FRMD4B: variants seen among roughly 807,000 people sequenced by gnomAD.
FRMD4B encodes FERM domain containing 4B.
Under a neutral mutation model 141.5 loss-of-function variants are expected in FRMD4B, and 74 were observed. That is an observed-to-expected ratio of 0.52 (90% CI 0.43 to 0.63). FRMD4B has a LOEUF of 0.63. Ranked by LOEUF, FRMD4B falls within the 30% of genes least tolerant of loss-of-function variation. The pLI is 0.00. For missense variants in FRMD4B, 1,366 were observed against 1,253.4 expected, an observed-to-expected ratio of 1.09 and a Z score of -1.36; for synonymous variants, 506 against 467.9, an observed-to-expected ratio of 1.08 and a Z score of -1.05.
intron 1 of FRMD4B, among the ~76,000 whole-genome samples, chr3:69,486,719 G>C (rs1276153303): frequency 2.0e-5 from 3 of 152,184 alleles, no homozygotes; most frequent in Non-Finnish European, 2.9e-5. Context: ...AAGCAAGAAG[G>C]CTCAAGGCAT....
At chr3:69,444,071 C>T (rs1428895631) in intron 1 of FRMD4B, among the ~76,000 whole-genome samples, 5 of 152,266 alleles carry the variant, frequency 3.3e-5, no homozygotes, top group South Asian at 2.1e-4. Context: ...TGACAGCACA[C>T]GAGGACCATT....
chr3:69,415,884 G>A (rs1266768104), intron 2 of FRMD4B, among the ~76,000 whole-genome samples: 3 of 152,058 alleles, frequency 2.0e-5, no homozygotes, highest in African/African-American at 4.8e-5. Flanking sequence ...CAGTGTATTC[G>A]GTTAACACAT....
chr3:69,533,234 G>T (rs1423686260), intron 1 of FRMD4B, among the ~76,000 whole-genome samples: 1 of 152,226 alleles, frequency 6.6e-6, no homozygotes, highest in Non-Finnish European at 1.5e-5. Flanking sequence ...AATCTTCTGT[G>T]AGGCAGGCTC....
At chr3:69,530,833 A>T (rs370859460) in intron 1 of FRMD4B, among the ~76,000 whole-genome samples, 11 of 152,364 alleles carry the variant, frequency 7.2e-5, no homozygotes, top group African/African-American at 2.6e-4. Context: ...CTGGGAACCC[A>T]GAAATCAGCA....
chr3:69,357,421 G>A (rs920007774), intron 1 of FRMD4B, among the ~76,000 whole-genome samples: 1 of 152,192 alleles, frequency 6.6e-6, no homozygotes, highest in Non-Finnish European at 1.5e-5. Flanking sequence ...TCCTGGAATA[G>A]GTCCAAATGA....
At chr3:69,386,919 G>T (rs1704271702), upstream of FRMD4B, among the ~76,000 whole-genome samples, 1 of 152,202 alleles carries the variant, frequency 6.6e-6, no homozygotes, top group Non-Finnish European at 1.5e-5. Flanking sequence ...GGAAAATTCA[G>T]CCTCTGGACA....
chr3:69,383,014 T>C (rs1291529697), intron 1 of FRMD4B, among the ~76,000 whole-genome samples: 1 of 152,216 alleles, frequency 6.6e-6, no homozygotes, highest in African/African-American at 2.4e-5. Context: ...AAAAAAATCC[T>C]AACTCATGGA....
intron 1 of FRMD4B, among the ~76,000 whole-genome samples, chr3:69,344,738 T>C (rs1702871774): frequency 6.6e-6 from 1 of 152,106 alleles, no homozygotes; most frequent in Admixed American, 6.5e-5. Flanking sequence ...AAAACCTGAA[T>C]CTAGAAACAT....
chr3:69,198,627 T>C (rs927249312), intron 12 of FRMD4B, 71 bp downstream of exon 12: 4 of 764,388 alleles, frequency 5.2e-6, no homozygotes, highest in African/African-American at 1.7e-5. Context: ...TAAAAACTTG[T>C]ACACAAATGT....
Position 69,212,816 on chromosome 3 carries a change from C to T in FRMD4B, c.876+3447G>A, listed in dbSNP as rs114159597. On this transcript the variant is annotated intron_variant, in intron 11 of 22. Coordinates refer to ENST00000398540, the MANE Select transcript of FRMD4B (RefSeq NM_015123.3). ...ATTTTACATGGAAGATTCAGAAAAA[C>T]CAGTAAGACTCCTGAGTGTTATTTC... 5.2e-3 allele frequency among the ~76,000 whole-genome samples: 795 copies of T among 152,170 alleles called. 9 individuals are homozygous for T. Among genetic ancestry groups the T allele is most frequent in the African/African-American group, 0.018 (766 of 41,500 alleles).
At chr3:69,479,740 C>T (rs1706084433) in intron 1 of FRMD4B, among the ~76,000 whole-genome samples, 1 of 152,096 alleles carries the variant, frequency 6.6e-6, no homozygotes, top group Non-Finnish European at 1.5e-5. Context: ...TTTCCTGAAT[C>T]TGAATGTTGG....
At chr3:69,318,988 C>A (rs1020521467) in intron 1 of FRMD4B, among the ~76,000 whole-genome samples, 1 of 152,126 alleles carries the variant, frequency 6.6e-6, no homozygotes, top group Admixed American at 6.5e-5. Context: ...AGTGAGCAAA[C>A]CCTGATTGAA....
At chr3:69,263,196 G>T (rs1161303971) in intron 5 of FRMD4B, among the ~76,000 whole-genome samples, 1 of 152,100 alleles carries the variant, frequency 6.6e-6, no homozygotes, top group African/African-American at 2.4e-5. Context: ...GGTGGAGGTT[G>T]CAGTGAGCCG....
Position 69,439,444 on chromosome 3 carries a change from G to A in FRMD4B, c.-128-6683C>T, listed in dbSNP as rs187314733. Among the ~76,000 whole-genome samples the A allele has an allele frequency of 3.3e-5, 5 of 152,318 alleles. No individual in the cohort carries two copies. In the East Asian group the frequency reaches 9.6e-4, roughly 29 times the overall value. On this transcript the variant is annotated intron_variant, in intron 1 of 5. Coordinates refer to the FRMD4B transcript ENST00000459638. ...TTTCTCCTGGTAAATCTCACCTGGG[G>A]TGGTCCAATCCTCCAAGGTATTATT...
At chr3:69,422,668 A>G (rs1451878699) in intron 2 of FRMD4B, among the ~76,000 whole-genome samples, 2 of 152,234 alleles carry the variant, frequency 1.3e-5, no homozygotes, top group African/African-American at 4.8e-5. Flanking sequence ...AGCTATCAAC[A>G]ATATGTAAGC....
At chr3:69,402,672 A>G (rs1022728106) in intron 2 of FRMD4B, among the ~76,000 whole-genome samples, 1 of 152,180 alleles carries the variant, frequency 6.6e-6, no homozygotes, top group African/African-American at 2.4e-5. Context: ...GTACAAAATG[A>G]ATTTCCCATT....
At chr3:69,412,840 CTTTTTTTTTTTTT>C (rs869150440) in intron 2 of FRMD4B, among the ~76,000 whole-genome samples, 13 of 54,272 alleles carry the variant, frequency 2.4e-4, no homozygotes, top group South Asian at 1.0e-3. Context: ...AGAAGCTCCA[CTTTTTTTTTTTTT>C]TTTTTTTTTT....
rs1183774603 is a variant in FRMD4B, at chr3:69,245,834, G to GTTT, written c.581+3389_581+3391dup. Among the ~76,000 whole-genome samples the GTTT allele has an allele frequency of 3.0e-3, 233 of 78,316 alleles. 12 individuals carry two copies. The highest frequency in any genetic ancestry group is 5.2e-3 in the African/African-American group (94 of 17,980). 51.4% of individuals were successfully genotyped at this position (78,316 alleles called of 152,430 possible). On this transcript the variant is annotated intron_variant, in intron 7 of 22. Coordinates refer to ENST00000398540, the MANE Select transcript of FRMD4B (RefSeq NM_015123.3). ...GTCTGCGAACGTGCCAGGCTAATTT[G>GTTT]TTTTTTTTTTTTTTTTTTTTTTGAG...
At chr3:69,202,878 GC>G (rs2092982961) in intron 11 of FRMD4B, among the ~76,000 whole-genome samples, 1 of 151,972 alleles carries the variant, frequency 6.6e-6, no homozygotes, top group Admixed American at 6.6e-5. Context: ...TAAAAGAGGA[GC>G]AGCATAAATA....
Sources: allele counts gnomAD v4.1 joint callset (sites outside exome capture counted in the v4.1 genomes callset), GRCh38; gene constraint gnomAD v4.1.1; transcripts MANE v1.5; gene names NCBI Gene and HGNC (gene_info 2026-07-23, HGNC 2026-07-21).